Variants in GTF2A1 observed in about 807,000 individuals in gnomAD.
GTF2A1 encodes the protein transcription initiation factor IIA subunit 1.
GTF2A1 carries 12 observed loss-of-function variants against 54.1 expected under a neutral mutation model. That is an observed-to-expected ratio of 0.22 (90% CI 0.14 to 0.36). The LOEUF (loss-of-function observed/expected upper bound fraction) is 0.36. Ranked by LOEUF, GTF2A1 falls within the 10% of genes least tolerant of loss-of-function variation. GTF2A1 has a pLI of 1.00. For synonymous variants in GTF2A1, 145 were observed against 152.0 expected (o/e 0.95, Z 0.34); for missense variants, 335 against 442.2 (o/e 0.76, Z 2.17).
rs1892602426 is a variant in GTF2A1 at position 81,179,826 on chromosome 14, T to C, written c.*397A>G. 6.5e-6 allele frequency: 1 copy of C among 153,722 alleles called. No individual in the cohort carries two copies. The highest frequency in any genetic ancestry group is 2.4e-5 in the African/African-American group (1 of 41,652). 9.5% of individuals were successfully genotyped at this position (153,722 alleles called of 1,614,324 possible). On this transcript the variant is annotated 3_prime_UTR_variant, in exon 9 of 9. Coordinates refer to ENST00000553612, the MANE Select transcript of GTF2A1 (RefSeq NM_015859.4). Reference sequence around the variant, plus strand: ...TTTTACCAAATATAACCACATACAATAAGCAGTTTCAGTTCAATCTATCAA... The same window carrying C: ...TTTTACCAAATATAACCACATACAACAAGCAGTTTCAGTTCAATCTATCAA...
At chr14:81,198,503 A>G (rs894413937) in intron 4 of GTF2A1, among the ~76,000 whole-genome samples, 6 of 152,190 alleles carry the variant, frequency 3.9e-5, no homozygotes, top group South Asian at 2.1e-4. Context: ...AGACGGGATT[A>G]TATTATGAAT....
At position 81,220,959 on chromosome 14, in the gene GTF2A1, C is replaced by G; in HGVS notation, c.-441G>C. ...CGCCGCCGCCGCCGCCGCCGAGAGA[C>G]AGGGTGAAGGGGGAGGGAGGGGCGG... On this transcript the variant is annotated 5_prime_UTR_variant, in exon 1 of 9. Coordinates refer to ENST00000553612, the MANE Select transcript of GTF2A1 (RefSeq NM_015859.4). The G allele has an allele frequency of 6.0e-6, 1 of 167,832 alleles. No homozygotes were observed. Among genetic ancestry groups the G allele is most frequent in the East Asian group, 1.7e-4 (1 of 5,822 alleles). The allele number at this position is 167,832 out of a possible 1,614,324, so 10.4% of individuals were successfully genotyped here. A position where few individuals can be genotyped will look rare whatever the true frequency, so the allele number is the denominator to read the frequency against.
At chr14:81,198,387 T>C (rs1426243688) in intron 4 of GTF2A1, among the ~76,000 whole-genome samples, 4 of 152,154 alleles carry the variant, frequency 2.6e-5, no homozygotes, top group Non-Finnish European at 5.9e-5. Flanking sequence ...GAGGTTGCAG[T>C]GAGCCGAGAT....
At chr14:81,183,215 C>T (rs542147893) in intron 8 of GTF2A1, among the ~76,000 whole-genome samples, 2 of 152,272 alleles carry the variant, frequency 1.3e-5, no homozygotes, top group African/African-American at 4.8e-5. Context: ...TAAACAGTAT[C>T]TGTTGCACAT....
rs1229253759 is a variant in GTF2A1 at position 81,216,472 on chromosome 14, C to A, written c.73G>T (p.Val25Leu). ...CCATCATCCAGAAAGATGTCTCTCA[C>A]ATCATTAATGACATCTTCAATCACA... ...RSVIEDVIND[V>L]RDIFLDDGVD... The change falls in exon 2 of 9, where the codon GTG (valine) becomes TTG (leucine). Residue 25 changes from valine to leucine, a missense_variant. Physicochemically the swap from Val to Leu is conservative, Grantham distance 32. This residue lies in a region of GTF2A1 where 306 missense variants were observed against 360.4 expected (regional missense o/e 0.85). Transcript: ENST00000553612. 2.6e-6 allele frequency: 4 copies of A among 1,543,340 alleles called. No homozygotes were observed. In the East Asian group the frequency reaches 9.0e-5, roughly 35 times the overall value.
intron 3 of GTF2A1, chr14:81,202,803 A>C (rs1436112997): frequency 1.9e-6 from 1 of 516,832 alleles, no homozygotes; most frequent in Non-Finnish European, 3.9e-6. Flanking sequence ...TCCTAATGCC[A>C]GGTCTGAAGG....
In GTF2A1 at chr14:81,183,162, A is replaced by G. The variant is rs558260659; in HGVS notation, c.1023+2369T>C. Among the ~76,000 whole-genome samples the G allele has an allele frequency of 6.8e-4, 104 of 152,312 alleles. 1 individual carries two copies. Among genetic ancestry groups the G allele is most frequent in the African/African-American group, 2.3e-3 (95 of 41,574 alleles). On this transcript the variant is annotated intron_variant, in intron 8 of 8. Transcript: ENST00000553612. ...TGGCAGGGACTGTTCTGTTTTGATC[A>G]TTAGTGTATCTCAAGCTCCAAGAAT...
intron 8 of GTF2A1, 34 bp from the exon 9 acceptor site, chr14:81,180,364 T>G (rs779623424): frequency 4.4e-6 from 4 of 908,162 alleles, no homozygotes; most frequent in Admixed American, 1.9e-5. Flanking sequence ...AATTGAGAGA[T>G]ACAATCAGAA....
intron 3 of GTF2A1, among the ~76,000 whole-genome samples, chr14:81,203,374 G>A (rs947656917): frequency 1.3e-5 from 2 of 152,068 alleles, no homozygotes; most frequent in Non-Finnish European, 2.9e-5. Context: ...AGTCCATTTA[G>A]GCTTACATAA....
chr14:81,184,257 T>C (rs1238409358), intron 8 of GTF2A1, among the ~76,000 whole-genome samples: 6 of 152,216 alleles, frequency 3.9e-5, no homozygotes, highest in Non-Finnish European at 7.4e-5. Flanking sequence ...CTGATAAATC[T>C]GACATCTCAT....
intron 1 of GTF2A1, among the ~76,000 whole-genome samples, chr14:81,218,007 T>C (rs975496073): frequency 3.9e-5 from 6 of 152,278 alleles, no homozygotes; most frequent in Non-Finnish European, 7.3e-5. Context: ...ACATTCTAAT[T>C]CTATATATAA....
At chr14:81,218,813 T>C (rs1170122113) in intron 1 of GTF2A1, among the ~76,000 whole-genome samples, 1 of 150,550 alleles carries the variant, frequency 6.6e-6, no homozygotes, top group African/African-American at 2.5e-5. Flanking sequence ...TTTAATCTAG[T>C]TTGCAGTCTG....
At chr14:81,193,895 A>G (rs936481796) in intron 6 of GTF2A1, among the ~76,000 whole-genome samples, 1 of 152,114 alleles carries the variant, frequency 6.6e-6, no homozygotes, top group African/African-American at 2.4e-5. Context: ...GTAACAACAC[A>G]AAAGACAAAA....
At chr14:81,181,348 A>G (rs1892634687) in intron 8 of GTF2A1, among the ~76,000 whole-genome samples, 1 of 152,182 alleles carries the variant, frequency 6.6e-6, no homozygotes, top group South Asian at 2.1e-4. Context: ...TACCTAAAAA[A>G]AAAAAAAAAT....
chr14:81,189,670 CA>C (rs1354626898), intron 7 of GTF2A1, among the ~76,000 whole-genome samples: 9 of 146,680 alleles, frequency 6.1e-5, no homozygotes, highest in African/African-American at 7.5e-5. Flanking sequence ...GACTCCATCT[CA>C]AAAAAAAAAT....
intron 6 of GTF2A1, among the ~76,000 whole-genome samples, chr14:81,195,031 T>C (rs140625647): frequency 0.011 from 1,600 of 151,042 alleles, 39 homozygotes; most frequent in Non-Finnish European, 0.013. Context: ...TCCCAGCTAC[T>C]CAGGAGGCTG....
At position 81,176,157 on chromosome 14, in the gene GTF2A1, T is replaced by C. The variant is rs945415482; in HGVS notation, c.*4066A>G. On this transcript the variant is annotated 3_prime_UTR_variant, in exon 9 of 9. Coordinates refer to ENST00000553612, the MANE Select transcript of GTF2A1 (RefSeq NM_015859.4). ...AAGCAACATTTTTTTTTAAATAACA[T>C]CTTTAATTAAAGTTTTTGCAAAGTA... is the stretch of plus-strand genomic sequence containing the variant. 1.3e-5 allele frequency: 2 copies of C among 152,124 alleles called. No individual in the cohort carries two copies. The highest frequency in any genetic ancestry group is 4.8e-5 in the African/African-American group (2 of 41,428). The allele number at this position is 152,124 out of a possible 1,614,324, so 9.4% of individuals were successfully genotyped here. A position where few individuals can be genotyped will look rare whatever the true frequency, so the allele number is the denominator to read the frequency against.
chr14:81,182,663 C>T (rs1237015923), intron 8 of GTF2A1, among the ~76,000 whole-genome samples: 17 of 152,274 alleles, frequency 1.1e-4, no homozygotes, highest in African/African-American at 3.6e-4. Flanking sequence ...ATTATGCTCT[C>T]TACAAAGAAA....
At chr14:81,211,900 T>C (rs928747869) in intron 2 of GTF2A1, among the ~76,000 whole-genome samples, 3 of 126,862 alleles carry the variant, frequency 2.4e-5, no homozygotes, top group African/African-American at 8.5e-5. Context: ...TATATATATA[T>C]ATATATATAA....
Sources: allele counts gnomAD v4.1 joint callset (sites outside exome capture counted in the v4.1 genomes callset), GRCh38; gene constraint gnomAD v4.1.1; regional missense constraint gnomAD v4.1.1; transcripts MANE v1.5; gene names NCBI Gene and HGNC (gene_info 2026-07-23, HGNC 2026-07-21).